Variants in YIPF4 observed in about 807,000 individuals in gnomAD.
YIPF4 encodes protein YIPF4.
Under a neutral mutation model 29.4 loss-of-function variants are expected in YIPF4, and 18 were observed. The observed-to-expected ratio is 0.61, with a 90% CI of 0.42 to 0.91. The LOEUF (loss-of-function observed/expected upper bound fraction) is 0.91, where lower values mean the gene tolerates loss of function less well. Ranked by LOEUF, YIPF4 falls within the 40% of genes least tolerant of loss-of-function variation. YIPF4 has a pLI of 0.00. For synonymous variants in YIPF4, 115 were observed against 104.7 expected (o/e 1.10, Z -0.60); for missense variants, 279 against 282.7 (o/e 0.99, Z 0.09).
Position 32,305,997 on chromosome 2 carries a change from T to C in YIPF4, c.*371T>C, listed in dbSNP as rs973418959. 1.1e-5 allele frequency: 11 copies of C among 982,182 alleles called. No homozygotes were observed. The highest frequency in any genetic ancestry group is 1.8e-5 in the African/African-American group (1 of 54,540). 60.8% of individuals were successfully genotyped at this position (982,182 alleles called of 1,614,324 possible). ...AATATCTTGATAATCAAAAGTGCAA[T>C]TTTTTTCTTCAAAATGTTTTCTCCA... On this transcript the variant is annotated 3_prime_UTR_variant, in exon 6 of 6. Transcript: ENST00000238831.
At chr2:32,293,316 C>T (rs1426359916) in intron 3 of YIPF4, among the ~76,000 whole-genome samples, 1 of 152,124 alleles carries the variant, frequency 6.6e-6, no homozygotes, top group Non-Finnish European at 1.5e-5. Flanking sequence ...TGCCTTCAAG[C>T]ATCTGTTTAA....
intron 3 of YIPF4, 110 bp downstream of exon 3, chr2:32,292,458 C>A: frequency 1.2e-6 from 1 of 852,748 alleles, no homozygotes; most frequent in Non-Finnish European, 1.6e-6. Flanking sequence ...AAATGCTTTA[C>A]CCATTATTTC....
At chr2:32,290,831 T>C (rs984705679) in intron 2 of YIPF4, 195 bp downstream of exon 2, 2 of 295,978 alleles carry the variant, frequency 6.8e-6, no homozygotes, top group Middle Eastern at 1.1e-3. Flanking sequence ...AGACAAAAAT[T>C]AAAAGAATGG....
At chr2:32,285,532 C>G (rs1214192536) in intron 1 of YIPF4, among the ~76,000 whole-genome samples, 1 of 152,098 alleles carries the variant, frequency 6.6e-6, no homozygotes, top group East Asian at 1.9e-4. Flanking sequence ...TTGAGTGATA[C>G]TTTTCTGTCA....
intron 5 of YIPF4, among the ~76,000 whole-genome samples, chr2:32,305,075 A>C (rs1480551653): frequency 6.6e-6 from 1 of 152,140 alleles, no homozygotes; most frequent in Non-Finnish European, 1.5e-5. Flanking sequence ...GTTTTCTCTC[A>C]GTAATTTGGT....
At chr2:32,287,017 G>GGT (rs1232967095) in intron 1 of YIPF4, among the ~76,000 whole-genome samples, 2 of 152,108 alleles carry the variant, frequency 1.3e-5, no homozygotes, top group Admixed American at 6.6e-5. Flanking sequence ...GGCCAAGGCA[G>GGT]GTGTATTACA....
intron 1 of YIPF4, among the ~76,000 whole-genome samples, chr2:32,283,074 CAAAAAAA>C (rs78012507): frequency 2.9e-5 from 2 of 68,822 alleles, no homozygotes; most frequent in African/African-American, 5.5e-5. Context: ...GAGACTGTCT[CAAAAAAA>C]AAAAAAAAAA....
chr2:32,302,115 C>G (rs2031426646), intron 5 of YIPF4, among the ~76,000 whole-genome samples: 1 of 151,022 alleles, frequency 6.6e-6, no homozygotes, highest in South Asian at 2.1e-4. Context: ...ACTGTAACCT[C>G]TGCCTCCTGG....
intron 4 of YIPF4, among the ~76,000 whole-genome samples, chr2:32,299,256 C>T (rs1295271962): frequency 6.6e-5 from 10 of 152,136 alleles, no homozygotes; most frequent in African/African-American, 2.2e-4. Flanking sequence ...TACATTTTAA[C>T]ATAAACAATA....
chr2:32,313,270 TTAAAAA>T lies in YIPF4; in HGVS notation c.*7647_*7652del, dbSNP rs1276737783. ...TGTGAGTTTGCTTGGGGAAAAAAAT[TTAAAAA>T]TATAAAAAGAAAACCAGTTTGAAGT... On this transcript the variant is annotated 3_prime_UTR_variant, in exon 6 of 6. Coordinates refer to ENST00000238831, the MANE Select transcript of YIPF4 (RefSeq NM_032312.4). 6.6e-6 allele frequency: 1 copy of T among 152,146 alleles called. No individual in the cohort carries two copies. The highest frequency in any genetic ancestry group is 1.5e-5 in the Non-Finnish European group (1 of 68,042). 9.4% of individuals were successfully genotyped at this position (152,146 alleles called of 1,614,324 possible). A position where few individuals can be genotyped will look rare whatever the true frequency, so the allele number is the denominator to read the frequency against.
chr2:32,290,435 C>G (rs765414375), intron 1 of YIPF4, 48 bp from the exon 2 acceptor site: 2 of 1,329,672 alleles, frequency 1.5e-6, no homozygotes, highest in Non-Finnish European at 2.0e-6. Flanking sequence ...GGTTAAGATT[C>G]ACATGTTGTG....
At position 32,308,181 on chromosome 2, in the gene YIPF4, C is replaced by T. The variant is rs1057206439; in HGVS notation, c.*2555C>T. The T allele has an allele frequency of 2.6e-5, 4 of 151,960 alleles. No individual in the cohort carries two copies. Among genetic ancestry groups the T allele is most frequent in the African/African-American group, 9.7e-5 (4 of 41,416 alleles). The allele number at this position is 151,960 out of a possible 1,614,324, so 9.4% of individuals were successfully genotyped here. A position where few individuals can be genotyped will look rare whatever the true frequency, so the allele number is the denominator to read the frequency against. On this transcript the variant is annotated 3_prime_UTR_variant, in exon 6 of 6. Coordinates refer to ENST00000238831, the MANE Select transcript of YIPF4 (RefSeq NM_032312.4). ...CTGGAGTGCAATGGCACGATCTCGG[C>T]TCACTGCAAGCTCTGCCTCCCGGGT...
chr2:32,287,438 T>G (rs2148959786), intron 1 of YIPF4, among the ~76,000 whole-genome samples: 1 of 152,324 alleles, frequency 6.6e-6, no homozygotes, highest in Admixed American at 6.5e-5. Flanking sequence ...CTCTTGTTGC[T>G]TATTAAATAA....
Position 32,298,279 on chromosome 2 carries a change from A to G in YIPF4, c.451A>G (p.Ile151Val), listed in dbSNP as rs1265127092. 5 of 1,608,710 alleles carry G rather than the reference A, an allele frequency of 3.1e-6. No homozygotes were observed. Among genetic ancestry groups the G allele is most frequent in the East Asian group, 4.5e-5 (2 of 44,482 alleles). ...ITIWIFGSLT[I>V]FLLARVLGGE... Reference sequence around the variant, plus strand: ...CATTTGGATATTTGGTTCACTAACAATTTTCTTACTGGCCAGAGTTCTTGG... The same window carrying G: ...CATTTGGATATTTGGTTCACTAACAGTTTTCTTACTGGCCAGAGTTCTTGG... The change falls in exon 4 of 6, where the codon ATT (isoleucine) becomes GTT (valine). Residue 151 changes from isoleucine (I) to valine (V), a missense_variant. Coordinates refer to ENST00000238831, the MANE Select transcript of YIPF4 (RefSeq NM_032312.4).
intron 3 of YIPF4, among the ~76,000 whole-genome samples, chr2:32,293,334 C>T (rs1253308800): frequency 6.6e-6 from 1 of 152,180 alleles, no homozygotes; most frequent in Non-Finnish European, 1.5e-5. Flanking sequence ...TAACAAAGCA[C>T]ATCTTGCACC....
intron 1 of YIPF4, among the ~76,000 whole-genome samples, chr2:32,289,409 T>G (rs1298592010): frequency 6.6e-6 from 1 of 152,132 alleles, no homozygotes; most frequent in African/African-American, 2.4e-5. Context: ...TGAAAAATGG[T>G]TTTTTGTTTT....
At chr2:32,300,859 ATTG>A (rs1241257079) in intron 4 of YIPF4, among the ~76,000 whole-genome samples, 1 of 152,136 alleles carries the variant, frequency 6.6e-6, no homozygotes, top group Non-Finnish European at 1.5e-5. Context: ...ATTTCATAGG[ATTG>A]TTATTTCATT....
chr2:32,284,072 C>G (rs2148958297), intron 1 of YIPF4, among the ~76,000 whole-genome samples: 1 of 152,200 alleles, frequency 6.6e-6, no homozygotes, highest in South Asian at 2.1e-4. Flanking sequence ...GCCCTTCCAT[C>G]AATTAATTCA....
chr2:32,281,613 G>T (rs2030417564), intron 1 of YIPF4, among the ~76,000 whole-genome samples: 1 of 152,130 alleles, frequency 6.6e-6, no homozygotes, highest in Admixed American at 6.6e-5. Context: ...GAGGTGAGCT[G>T]GGTGTGGTGG....
Sources: gnomAD v4.1 joint callset for allele counts (sites outside exome capture counted in the v4.1 genomes callset) on GRCh38, gnomAD v4.1.1 for gene constraint, MANE v1.5 for transcripts, NCBI Gene and HGNC (gene_info 2026-07-23, HGNC 2026-07-21) for gene names.